The following TBC1D9 variants were observed in gnomAD, a reference collection of about 807,000 sequenced individuals.
TBC1D9 encodes TBC1 domain family member 9.
TBC1D9 carries 63 observed loss-of-function variants against 132.0 expected under a neutral mutation model. That is an observed-to-expected ratio of 0.48 (90% CI 0.39 to 0.59). The LOEUF is 0.59. Among genes scored for constraint, TBC1D9 ranks in the 20% least tolerant of loss-of-function variants. The pLI, the probability that TBC1D9 is intolerant of heterozygous loss-of-function variation, is 0.00. For missense variants in TBC1D9, 1,261 were observed against 1,592.7 expected (o/e 0.79, Z 3.54); for synonymous variants, 610 against 609.9 (o/e 1.00, Z 0.00).
chr4:140,655,448 C>T (rs1053020453), intron 13 of TBC1D9, among the ~76,000 whole-genome samples: 1 of 152,130 alleles, frequency 6.6e-6, no homozygotes, highest in Non-Finnish European at 1.5e-5. Flanking sequence ...TGTCTCTTAT[C>T]CACTTTGTTG....
rs77065684 is a variant in TBC1D9, at chr4:140,724,802, A to T, written c.131-23188T>A. Among the ~76,000 whole-genome samples, 246 of 152,326 alleles carry T rather than the reference A, an allele frequency of 1.6e-3. 1 individual carries two copies. The Middle Eastern group carries it at 0.024, about 15-fold the overall frequency. On this transcript the variant is annotated intron_variant, in intron 1 of 20. Transcript: ENST00000442267. ...GAAAAAAATCTATAAATGGCTTGTAAACATGAAAAAATGTTCAACAACACT... is the reference window on the plus strand; with the variant it reads ...GAAAAAAATCTATAAATGGCTTGTATACATGAAAAAATGTTCAACAACACT...
At chr4:140,676,203 T>G (rs1308608273) in intron 6 of TBC1D9, among the ~76,000 whole-genome samples, 1 of 152,230 alleles carries the variant, frequency 6.6e-6, no homozygotes, top group African/African-American at 2.4e-5. Flanking sequence ...GCCCACATTT[T>G]CTTTCCCTCC....
chr4:140,655,031 C>T (rs1433002870), intron 13 of TBC1D9, among the ~76,000 whole-genome samples: 2 of 151,840 alleles, frequency 1.3e-5, no homozygotes, highest in East Asian at 3.9e-4. Flanking sequence ...AAAATCATGC[C>T]TTCATATAAT....
rs1368311620 is a variant in TBC1D9, at chr4:140,670,837, G to A, written c.1149C>T (p.Ala383=). The stretch of plus-strand genomic sequence containing the variant: ...CTAGAAAGTCTCTATCTTTCAAGTT[G>A]GCAAATAGGAAGGTCATCCTGTTTC... ...STRNRMTFLF[A]NLKDRDFLVQ... The change falls in exon 7 of 21, where the codon GCC becomes GCT. Residue 383 remains alanine (A), a synonymous_variant. Coordinates refer to ENST00000442267, the MANE Select transcript of TBC1D9 (RefSeq NM_015130.3). The A allele has an allele frequency of 6.2e-7, 1 of 1,613,986 alleles. No individual in the cohort carries two copies. The highest frequency in any genetic ancestry group is 1.1e-5 in the South Asian group (1 of 91,080).
chr4:140,661,613 G>C (rs1279196017), intron 10 of TBC1D9, among the ~76,000 whole-genome samples: 2 of 152,210 alleles, frequency 1.3e-5, no homozygotes, highest in East Asian at 3.9e-4. Context: ...CTGCCTCTCA[G>C]ACATCTGGCA....
At chr4:140,690,898 G>C (rs1737870157) in intron 2 of TBC1D9, among the ~76,000 whole-genome samples, 1 of 152,080 alleles carries the variant, frequency 6.6e-6, no homozygotes, top group African/African-American at 2.4e-5. Context: ...AAAGAAAAAA[G>C]ACAAACACTA....
chr4:140,679,909 G>A, intron 3 of TBC1D9, 66 bp from the exon 4 acceptor site: 4 of 1,312,292 alleles, frequency 3.0e-6, no homozygotes, highest in East Asian at 2.5e-5. Flanking sequence ...ACATATTCCA[G>A]AAGAAAAAAT....
intron 13 of TBC1D9, among the ~76,000 whole-genome samples, chr4:140,655,202 T>C (rs1737249234): frequency 6.6e-6 from 1 of 152,184 alleles, no homozygotes; most frequent in Non-Finnish European, 1.5e-5. Context: ...CCTATTTCCC[T>C]ACAATTTCTA....
chr4:140,659,653 G>T lies in TBC1D9; in HGVS notation c.1856C>A (p.Ala619Asp). 6.2e-7 allele frequency: 1 copy of T among 1,608,316 alleles called. No individual in the cohort carries two copies. The highest frequency in any genetic ancestry group is 2.2e-5 in the East Asian group (1 of 44,778). The change falls in exon 11 of 21, where the codon GCT becomes GAT. Residue 619 changes from alanine (A) to aspartate (D), a missense_variant. Physicochemically the swap from Ala to Asp is moderately radical, Grantham distance 126. This residue lies in a region of TBC1D9 where 93 missense variants were observed against 169.2 expected (regional missense o/e 0.55). Coordinates refer to ENST00000442267, the MANE Select transcript of TBC1D9 (RefSeq NM_015130.3). ...ACACAAAGCCACAAGCAGCCAGAAA[G>T]CTTCCTCCTCTTTGGCATAAAGCAG... Reference protein sequence around the residue: ...VLLLYAKEEEAFWLLVALCER... With the variant: ...VLLLYAKEEEDFWLLVALCER...
Position 140,635,307 on chromosome 4 carries a change from G to A in TBC1D9, c.2506-1119C>T, listed in dbSNP as rs572112964. On this transcript the variant is annotated intron_variant, in intron 15 of 20. Transcript: ENST00000442267. The stretch of plus-strand genomic sequence containing the variant: ...AGCCTGGGCAACATACTGAGACCCT[G>A]TCTCTATGAAAAAAAAGTTTAAAAA... 7.7e-5 allele frequency among the ~76,000 whole-genome samples: 11 copies of A among 143,490 alleles called. No individual in the cohort carries two copies. The South Asian group carries it at 2.1e-3, about 28-fold the overall frequency. The allele number at this position is 143,490 out of a possible 152,430, so 94.1% of individuals were successfully genotyped here.
In TBC1D9 at chr4:140,627,449, C is replaced by T; in HGVS notation, c.2891G>A (p.Cys964Tyr). The part of the protein sequence containing the change: ...QYFFEDITPE[C>Y]THVVGLDSRS... ...TGAGAAAAGTCACTTACCATGTGTA[C>T]ATTCTGGGGTAATATCTTCAAAGAA... The change falls in exon 18 of 21, where the codon TGT becomes TAT. Residue 964 changes from cysteine to tyrosine, a missense_variant. This residue lies in a region of TBC1D9 where 618 missense variants were observed against 724.4 expected (regional missense o/e 0.85). Transcript: ENST00000442267. 1 of 1,600,966 alleles carries T rather than the reference C, an allele frequency of 6.2e-7. No individual in the cohort carries two copies. Among genetic ancestry groups the T allele is most frequent in the Non-Finnish European group, 8.5e-7 (1 of 1,169,798 alleles).
chr4:140,747,128 A>G (rs1738848753), intron 1 of TBC1D9, among the ~76,000 whole-genome samples: 1 of 152,158 alleles, frequency 6.6e-6, no homozygotes, highest in Admixed American at 6.5e-5. Flanking sequence ...TGGGCAGATC[A>G]TCTGAGGTCA....
chr4:140,722,824 G>C (rs1023136974), intron 1 of TBC1D9, among the ~76,000 whole-genome samples: 2 of 152,100 alleles, frequency 1.3e-5, no homozygotes, highest in Admixed American at 1.3e-4. Flanking sequence ...ACATGCCTCT[G>C]ATTCTCCCCT....
intron 9 of TBC1D9, among the ~76,000 whole-genome samples, chr4:140,667,323 T>C (rs1737463453): frequency 2.0e-5 from 3 of 152,182 alleles, no homozygotes; most frequent in African/African-American, 7.2e-5. Flanking sequence ...GATAGGGCTG[T>C]GTACTATTGT....
At chr4:140,719,009 G>A (rs541556693) in intron 1 of TBC1D9, among the ~76,000 whole-genome samples, 83 of 151,930 alleles carry the variant, frequency 5.5e-4, no homozygotes, top group African/African-American at 2.0e-3. Context: ...CCAGCTGCTC[G>A]GAGGCTGAGG....
intron 1 of TBC1D9, among the ~76,000 whole-genome samples, chr4:140,704,865 GTTC>G (rs1738127116): frequency 1.3e-5 from 2 of 152,142 alleles, no homozygotes; most frequent in Non-Finnish European, 2.9e-5. Context: ...TTAGATGCAA[GTTC>G]ACCAACCCTA....
rs1010619737 is a variant in TBC1D9, at chr4:140,657,535, A to C, written c.2199T>G (p.Val733=). The C allele has an allele frequency of 1.2e-6, 2 of 1,613,034 alleles. No individual in the cohort carries two copies. The highest frequency in any genetic ancestry group is 1.7e-6 in the Non-Finnish European group (2 of 1,179,378). ...NCKDDGEAMT[V]LGRYLDSVTN... is the part of the protein sequence containing the mutation. ...TAGGCTTAGTACAATACCTTCCCAA[A>C]ACGGTCATGGCCTCCCCATCATCCT... The change falls in exon 12 of 21, where the codon GTT becomes GTG. Residue 733 remains valine (V), a synonymous_variant. Coordinates refer to ENST00000442267, the MANE Select transcript of TBC1D9 (RefSeq NM_015130.3).
intron 13 of TBC1D9, chr4:140,642,151 C>T (rs889533386): frequency 1.2e-5 from 9 of 766,664 alleles, no homozygotes; most frequent in Non-Finnish European, 1.9e-5. Flanking sequence ...TCCTTTGCCA[C>T]CATGCCACAC....
intron 1 of TBC1D9, among the ~76,000 whole-genome samples, chr4:140,703,838 C>T (rs1738109356): frequency 6.6e-6 from 1 of 152,180 alleles, no homozygotes; most frequent in Admixed American, 6.5e-5. Flanking sequence ...TAGAGTTCCA[C>T]ATTATATCAC....
Sources: gnomAD v4.1 joint callset for allele counts (sites outside exome capture counted in the v4.1 genomes callset) on GRCh38, gnomAD v4.1.1 for gene constraint, gnomAD v4.1.1 regional missense constraint, MANE v1.5 for transcripts, NCBI Gene and HGNC (gene_info 2026-07-23, HGNC 2026-07-21) for gene names.